Variants in PIN4 observed in about 807,000 individuals in gnomAD.
The protein encoded by PIN4 is peptidyl-prolyl cis-trans isomerase NIMA-interacting 4.
Under a neutral mutation model 8.3 loss-of-function variants are expected in PIN4, and 3 were observed. That is an observed-to-expected ratio of 0.36 (90% CI 0.16 to 0.93). The LOEUF (loss-of-function observed/expected upper bound fraction) is 0.93, where lower values mean the gene tolerates loss of function less well. Among genes scored for constraint, PIN4 ranks in the 40% least tolerant of loss-of-function variants. The probability of loss-of-function intolerance (pLI) is 0.44; values close to 1 mark genes in which losing one functional copy is unlikely to be tolerated. For missense variants in PIN4, 75 were observed against 100.6 expected (o/e 0.75, Z 1.09); for synonymous variants, 18 against 32.5 (o/e 0.55, Z 1.52).
At chrX:72,263,113 C>T in exon 4 of PIN4, 1 of 172,770 alleles carries the variant, frequency 5.8e-6, no homozygotes. Context: ...GAGCCTTATG[C>T]ACCTCACAGT....
intron 3 of PIN4, chrX:72,239,097 C>T (rs2043036236): frequency 4.6e-6 from 2 of 431,982 alleles, no homozygotes; most frequent in Non-Finnish European, 7.9e-6. Flanking sequence ...CGACCACGCG[C>T]TGCGACGCCT....
intron 2 of PIN4, among the ~76,000 whole-genome samples, chrX:72,195,671 G>GT (rs199696854): frequency 0.014 from 1,578 of 110,816 alleles, 9 homozygotes; most frequent in Middle Eastern, 0.023. Flanking sequence ...TTTCTAGCAG[G>GT]TTTTTTCTTA....
At chrX:72,239,110 GC>G (rs1210517217) in intron 3 of PIN4, 1 of 415,632 alleles carries the variant, frequency 2.4e-6, no homozygotes, top group Non-Finnish European at 4.2e-6. Flanking sequence ...CGACGCCTCC[GC>G]CTGAGCCCCG....
At chrX:72,244,541 G>A (rs2043060518) in intron 3 of PIN4, among the ~76,000 whole-genome samples, 1 of 111,356 alleles carries the variant, frequency 9.0e-6, no homozygotes, top group Admixed American at 9.6e-5. Context: ...CCAGTCTAAT[G>A]CCACAGGTAA....
intron 3 of PIN4, chrX:72,207,921 T>C (rs2042829739): frequency 1.7e-6 from 2 of 1,211,755 alleles, no homozygotes; most frequent in African/African-American, 3.5e-5. Context: ...AAGTTTTTAA[T>C]GTTCCCAGCA....
intron 3 of PIN4, chrX:72,208,592 T>G (rs2042834711): frequency 8.3e-7 from 1 of 1,211,863 alleles, no homozygotes; most frequent in Admixed American, 2.2e-5. Flanking sequence ...TTTTGGATTC[T>G]GCTCAGCACT....
chrX:72,203,611 G>T (rs1471979705), intron 3 of PIN4, among the ~76,000 whole-genome samples: 1 of 111,983 alleles, frequency 8.9e-6, no homozygotes, highest in Non-Finnish European at 1.9e-5. Context: ...GGTGTCAGAA[G>T]TGTTTTGAGT....
chrX:72,203,466 C>G (rs2042799279), intron 3 of PIN4, among the ~76,000 whole-genome samples: 1 of 111,457 alleles, frequency 9.0e-6, no homozygotes, highest in South Asian at 3.8e-4. Flanking sequence ...TGAGGGCAGT[C>G]TGGTGGGACT....
intron 1 of PIN4, 41 bp from the exon 2 acceptor site, chrX:72,186,420 A>C: frequency 1.1e-6 from 1 of 885,232 alleles, no homozygotes; most frequent in Non-Finnish European, 1.6e-6. Flanking sequence ...GTAAACATGG[A>C]GGTGCAGTTT....
chrX:72,203,411 G>A (rs767401706), intron 3 of PIN4, among the ~76,000 whole-genome samples: 41 of 112,032 alleles, frequency 3.7e-4, no homozygotes, highest in Non-Finnish European at 7.5e-4. Context: ...TCAGACAGAA[G>A]TGTGGTTAAC....
intron 3 of PIN4, among the ~76,000 whole-genome samples, chrX:72,254,490 G>A (rs1292199246): frequency 4.5e-5 from 5 of 112,280 alleles, no homozygotes; most frequent in African/African-American, 1.6e-4. Context: ...CTCCATGTCT[G>A]TATTTTCAAA....
intron 3 of PIN4, among the ~76,000 whole-genome samples, chrX:72,241,892 G>C (rs2043050705): frequency 8.9e-6 from 1 of 111,903 alleles, no homozygotes; most frequent in African/African-American, 3.3e-5. Flanking sequence ...TGAGTTGAGA[G>C]TCCAGGCGCC....
intron 3 of PIN4, among the ~76,000 whole-genome samples, chrX:72,261,338 C>A (rs1287443040): frequency 9.1e-6 from 1 of 109,547 alleles, no homozygotes; most frequent in African/African-American, 3.3e-5. Context: ...TGTCGACCCC[C>A]CTGTCCAGAA....
intron 3 of PIN4, among the ~76,000 whole-genome samples, chrX:72,239,479 T>C (rs3012647): frequency 0.41 from 45,506 of 111,183 alleles, 8,051 homozygotes; most frequent in East Asian, 0.98. Context: ...TAAACTAACA[T>C]TGAAGAAGCG....
rs1191103973 is a variant in PIN4, at chrX:72,250,744, T to G, written c.313-11963T>G. ...AAATATTCTGGTATATGGTTTTTTT[T>G]TTTTTTTTTTTTTGAGAGGGAGTCT... On this transcript the variant is annotated intron_variant, in intron 3 of 3. Transcript: ENST00000423432. Among the ~76,000 whole-genome samples the G allele has an allele frequency of 7.4e-5, 7 of 94,944 alleles. No homozygotes were observed. The East Asian group carries it at 2.3e-3, about 32-fold the overall frequency. The allele number at this position is 94,944 out of a possible 115,157, so 82.4% of individuals were successfully genotyped here.
chrX:72,240,823 G>T (rs1245193492), intron 3 of PIN4, among the ~76,000 whole-genome samples: 2 of 105,832 alleles, frequency 1.9e-5, no homozygotes, highest in Non-Finnish European at 3.8e-5. Flanking sequence ...GGGTTGGGGG[G>T]AGGTGGGGGA....
chrX:72,211,070 G>T (rs552158363), intron 3 of PIN4, among the ~76,000 whole-genome samples: 1 of 111,602 alleles, frequency 9.0e-6, no homozygotes, highest in Non-Finnish European at 1.9e-5. Flanking sequence ...AATGCAGTTT[G>T]ATTTAGCCAC....
chrX:72,185,887 G>T (rs2042700180), intron 1 of PIN4, among the ~76,000 whole-genome samples: 1 of 112,466 alleles, frequency 8.9e-6, no homozygotes, highest in Non-Finnish European at 1.9e-5. Flanking sequence ...ACACATAGTT[G>T]TGGTACATGA....
downstream of PIN4, among the ~76,000 whole-genome samples, chrX:72,201,470 C>T (rs2042789963): frequency 9.0e-6 from 1 of 110,736 alleles, no homozygotes; most frequent in Admixed American, 9.6e-5. Flanking sequence ...GTGGCGCACA[C>T]CTGTAGTCCC....
Sources: gnomAD v4.1 joint callset for allele counts (sites outside exome capture counted in the v4.1 genomes callset) on GRCh38, gnomAD v4.1.1 for gene constraint, MANE v1.5 for transcripts, NCBI Gene and HGNC (gene_info 2026-07-23, HGNC 2026-07-21) for gene names.